Variants in CTNNA2 observed in about 807,000 individuals in gnomAD.
The protein encoded by CTNNA2 is catenin alpha 2.
Under a neutral mutation model 101.0 loss-of-function variants are expected in CTNNA2, and 42 were observed. That is an observed-to-expected ratio of 0.42 (90% CI 0.32 to 0.54). The LOEUF (loss-of-function observed/expected upper bound fraction) is 0.54. Ranked by LOEUF, CTNNA2 falls within the 20% of genes least tolerant of loss-of-function variation. The pLI is 0.14. For synonymous variants in CTNNA2, 450 were observed against 456.4 expected, an observed-to-expected ratio of 0.99 and a Z score of 0.18; for missense variants, 871 against 1,223.1, an observed-to-expected ratio of 0.71 and a Z score of 4.29.
intron 3 of CTNNA2, among the ~76,000 whole-genome samples, chr2:79,758,963 G>T (rs1197397360): frequency 6.6e-6 from 1 of 152,282 alleles, no homozygotes; most frequent in East Asian, 1.9e-4. Flanking sequence ...CAGATGACCA[G>T]CTCTTTGAAG....
At chr2:79,583,483 A>T (rs1573402176) in intron 1 of CTNNA2, among the ~76,000 whole-genome samples, 1 of 151,850 alleles carries the variant, frequency 6.6e-6, no homozygotes, top group East Asian at 1.9e-4. Context: ...TTGTTGATAT[A>T]TATATATGTT....
chr2:79,319,509 C>T (rs1187614780), intron 3 of CTNNA2, among the ~76,000 whole-genome samples: 1 of 152,036 alleles, frequency 6.6e-6, no homozygotes, highest in African/African-American at 2.4e-5. Flanking sequence ...TCTTCATCCA[C>T]AGCAACCTCC....
intron 2 of CTNNA2, among the ~76,000 whole-genome samples, chr2:79,242,810 G>A (rs973361946): frequency 6.6e-6 from 1 of 151,800 alleles, no homozygotes; most frequent in Non-Finnish European, 1.5e-5. Flanking sequence ...TCTACAAAAA[G>A]TAAAAGCATC....
At chr2:79,942,381 G>C (rs901073868) in intron 7 of CTNNA2, among the ~76,000 whole-genome samples, 26 of 152,164 alleles carry the variant, frequency 1.7e-4, no homozygotes, top group Admixed American at 1.0e-3. Context: ...TGCCCATCAT[G>C]CCTCTCTTGG....
intron 2 of CTNNA2, among the ~76,000 whole-genome samples, chr2:79,294,845 A>G (rs1015430069): frequency 6.6e-6 from 1 of 152,038 alleles, no homozygotes; most frequent in Non-Finnish European, 1.5e-5. Flanking sequence ...TTTATTATCT[A>G]TTGTGTCATT....
At chr2:80,354,797 C>T (rs139348231) in intron 7 of CTNNA2, among the ~76,000 whole-genome samples, 1,692 of 152,120 alleles carry the variant, frequency 0.011, 18 homozygotes, top group South Asian at 0.057. Context: ...CTAAAGCTGC[C>T]GGTCTGGGCC....
chr2:80,527,694 C>T (rs986927234), intron 9 of CTNNA2, among the ~76,000 whole-genome samples: 1 of 152,106 alleles, frequency 6.6e-6, no homozygotes, highest in Non-Finnish European at 1.5e-5. Context: ...TCTCTGAGGC[C>T]TCTCCCTGGT....
At chr2:80,143,614 T>C (rs1703150089) in intron 7 of CTNNA2, among the ~76,000 whole-genome samples, 1 of 152,102 alleles carries the variant, frequency 6.6e-6, no homozygotes, top group African/African-American at 2.4e-5. Flanking sequence ...ATGAACAATT[T>C]GGAGTAGAAG....
chr2:79,553,911 A>G (rs957557979), intron 1 of CTNNA2, among the ~76,000 whole-genome samples: 2 of 152,340 alleles, frequency 1.3e-5, no homozygotes, highest in African/African-American at 2.4e-5. Flanking sequence ...GTGGACTTCT[A>G]TCTTTGCAGC....
At chr2:80,314,376 G>A (rs1259834612) in intron 7 of CTNNA2, among the ~76,000 whole-genome samples, 2 of 152,156 alleles carry the variant, frequency 1.3e-5, no homozygotes, top group Non-Finnish European at 2.9e-5. Flanking sequence ...AGTTTGCAGA[G>A]CCTCTAAGTG....
At position 80,302,042 on chromosome 2, in the gene CTNNA2, G is replaced by T; in HGVS notation, c.1057-91169G>T. ...AAGATAGACTGTCCTGAAGGTTGTG[G>T]GGTGGGGTTTTTTGTTGTGTTTTAA... On this transcript the variant is annotated intron_variant, in intron 7 of 18. Coordinates refer to ENST00000402739, the MANE Select transcript of CTNNA2 (RefSeq NM_001282597.3). The surrounding 1 kb of genome is among the most constrained non-coding windows in gnomAD (Gnocchi z 6.4). The T allele has an allele frequency of 1.7e-6, 1 of 591,964 alleles. No individual in the cohort carries two copies. The highest frequency in any genetic ancestry group is 2.9e-6 in the Non-Finnish European group (1 of 350,114). The allele number at this position is 591,964 out of a possible 1,614,324, so 36.7% of individuals were successfully genotyped here.
intron 7 of CTNNA2, among the ~76,000 whole-genome samples, chr2:80,287,724 G>T (rs2149171809): frequency 6.6e-6 from 1 of 152,230 alleles, no homozygotes; most frequent in East Asian, 1.9e-4. Context: ...TAGAACTGGG[G>T]CTCATATTGA....
intron 1 of CTNNA2, among the ~76,000 whole-genome samples, chr2:79,597,253 A>C (rs1677254428): frequency 6.6e-6 from 1 of 152,020 alleles, no homozygotes; most frequent in South Asian, 2.1e-4. Flanking sequence ...CGGCATGATC[A>C]CAAGGTCAGG....
At chr2:80,572,363 A>G (rs1694674829) in intron 12 of CTNNA2, among the ~76,000 whole-genome samples, 1 of 152,256 alleles carries the variant, frequency 6.6e-6, no homozygotes, top group Non-Finnish European at 1.5e-5. Context: ...GGATTAGTCT[A>G]TTTATTTTAT....
intron 2 of CTNNA2, among the ~76,000 whole-genome samples, chr2:79,663,084 G>A (rs539155914): frequency 6.6e-6 from 1 of 152,072 alleles, no homozygotes; most frequent in East Asian, 1.9e-4. Context: ...TGTATCTTCA[G>A]CCCACAGTTT....
intron 2 of CTNNA2, among the ~76,000 whole-genome samples, chr2:79,260,841 T>C (rs1674912284): frequency 6.6e-6 from 1 of 152,140 alleles, no homozygotes. Context: ...TCACTCAAGA[T>C]TGACTCTTAA....
At chr2:80,089,790 A>T (rs1482330257) in intron 7 of CTNNA2, among the ~76,000 whole-genome samples, 2 of 151,960 alleles carry the variant, frequency 1.3e-5, no homozygotes, top group Admixed American at 6.6e-5. Context: ...CTCTTTTCCC[A>T]GTGTCCTCAT....
At chr2:79,722,776 C>A (rs1686573460) in intron 2 of CTNNA2, among the ~76,000 whole-genome samples, 1 of 152,062 alleles carries the variant, frequency 6.6e-6, no homozygotes, top group Non-Finnish European at 1.5e-5. Context: ...CCTAATTGGT[C>A]CACAGGCAAA....
At chr2:79,997,190 CAGAA>C (rs570919665) in intron 7 of CTNNA2, among the ~76,000 whole-genome samples, 371 of 152,228 alleles carry the variant, frequency 2.4e-3, no homozygotes, top group African/African-American at 7.9e-3. Flanking sequence ...GCCTCCTAAA[CAGAA>C]AGCTGAAAAA....
Sources: gnomAD v4.1 joint callset for allele counts (sites outside exome capture counted in the v4.1 genomes callset) on GRCh38, gnomAD v4.1.1 for gene constraint, Gnocchi (gnomAD v3.1) non-coding constraint, MANE v1.5 for transcripts, NCBI Gene and HGNC (gene_info 2026-07-23, HGNC 2026-07-21) for gene names.